MCTP1: variants seen among roughly 807,000 people sequenced by gnomAD.
MCTP1 encodes the protein multiple C2 and transmembrane domain-containing protein 1.
MCTP1 carries 69 observed loss-of-function variants against 120.6 expected under a neutral mutation model. That is an observed-to-expected ratio of 0.57 (90% CI 0.47 to 0.70). MCTP1 has a LOEUF of 0.70. Among genes scored for constraint, MCTP1 ranks in the 30% least tolerant of loss-of-function variants. The pLI, the probability that MCTP1 is intolerant of heterozygous loss-of-function variation, is 0.00. For synonymous variants in MCTP1, 529 were observed against 493.1 expected (o/e 1.07, Z -0.96); for missense variants, 1,203 against 1,248.8 (o/e 0.96, Z 0.55).
chr5:94,743,660 T>TG (rs2152762789), intron 19 of MCTP1, among the ~76,000 whole-genome samples: 1 of 123,808 alleles, frequency 8.1e-6, no homozygotes, highest in African/African-American at 3.2e-5. Flanking sequence ...TTTTTTGAGA[T>TG]GGAGTCTCCC....
chr5:95,107,946 C>T (rs957282749), intron 1 of MCTP1, among the ~76,000 whole-genome samples: 3 of 152,156 alleles, frequency 2.0e-5, no homozygotes, highest in Non-Finnish European at 4.4e-5. Flanking sequence ...CACCTATCAA[C>T]CCATCACCTA....
intron 3 of MCTP1, among the ~76,000 whole-genome samples, chr5:94,943,496 T>A (rs2153510913): frequency 6.6e-6 from 1 of 152,216 alleles, no homozygotes; most frequent in South Asian, 2.1e-4. Flanking sequence ...AAATGGGAAC[T>A]GGCTAACTTC....
chr5:94,926,925 C>A lies in MCTP1; in HGVS notation c.1213-2904G>T, dbSNP rs960034776. On this transcript the variant is annotated intron_variant, in intron 6 of 22. Transcript: ENST00000515393. ...GGAATCCATCCTCTCACTGAGATTACATTTTGTCCCTTCACTTTGTACCAA... is the reference window on the plus strand; with the variant it reads ...GGAATCCATCCTCTCACTGAGATTAAATTTTGTCCCTTCACTTTGTACCAA... Among the ~76,000 whole-genome samples the A allele has an allele frequency of 1.6e-4, 24 of 152,192 alleles. 1 individual carries two copies. Among genetic ancestry groups the A allele is most frequent in the Admixed American group, 1.6e-3 (24 of 15,278 alleles).
At chr5:94,750,094 G>A (rs1005397274) in intron 19 of MCTP1, among the ~76,000 whole-genome samples, 3 of 152,168 alleles carry the variant, frequency 2.0e-5, no homozygotes, top group African/African-American at 7.2e-5. Context: ...ACAGAAAATA[G>A]CATATTCCAG....
At chr5:94,797,393 T>C (rs548031173) in intron 18 of MCTP1, among the ~76,000 whole-genome samples, 14 of 152,304 alleles carry the variant, frequency 9.2e-5, no homozygotes, top group Non-Finnish European at 1.9e-4. Flanking sequence ...GAAAAGTAGA[T>C]ATTCTTCTCT....
intron 1 of MCTP1, 82 bp downstream of exon 1, chr5:95,283,774 C>T (rs1363869499): frequency 1.2e-5 from 14 of 1,161,204 alleles, no homozygotes; most frequent in Non-Finnish European, 5.5e-6. Context: ...GGCCCCCGCC[C>T]CCCGCTCCCC....
intron 2 of MCTP1, among the ~76,000 whole-genome samples, chr5:95,000,655 T>C (rs1833493873): frequency 6.6e-6 from 1 of 152,190 alleles, no homozygotes; most frequent in Non-Finnish European, 1.5e-5. Context: ...CTGTATAATA[T>C]GTTTGTGTTT....
chr5:95,174,715 G>A (rs1431482903), intron 1 of MCTP1, among the ~76,000 whole-genome samples: 1 of 152,190 alleles, frequency 6.6e-6, no homozygotes, highest in Non-Finnish European at 1.5e-5. Flanking sequence ...TATGGATTCT[G>A]TGAGTTATTT....
At chr5:94,895,447 C>G (rs1278404232) in intron 10 of MCTP1, among the ~76,000 whole-genome samples, 1 of 152,194 alleles carries the variant, frequency 6.6e-6, no homozygotes, top group Admixed American at 6.5e-5. Flanking sequence ...GTGGCAGTGC[C>G]TGCTCTGTAT....
intron 2 of MCTP1, among the ~76,000 whole-genome samples, chr5:94,994,891 A>G (rs1233297408): frequency 6.6e-6 from 1 of 152,148 alleles, no homozygotes; most frequent in African/African-American, 2.4e-5. Context: ...CTGACCTTGA[A>G]CATCAGACTC....
At chr5:95,014,102 A>G (rs1465527644) in intron 2 of MCTP1, among the ~76,000 whole-genome samples, 1 of 152,062 alleles carries the variant, frequency 6.6e-6, no homozygotes, top group Non-Finnish European at 1.5e-5. Context: ...CTCTACCAAA[A>G]AAAAGAAAAA....
intron 19 of MCTP1, among the ~76,000 whole-genome samples, chr5:94,732,829 C>T (rs950618967): frequency 8.5e-5 from 13 of 152,168 alleles, no homozygotes; most frequent in Non-Finnish European, 2.9e-5. Flanking sequence ...ACTTTCTAGC[C>T]TCCAGAACTG....
At chr5:95,023,269 C>T (rs1388142384) in intron 1 of MCTP1, among the ~76,000 whole-genome samples, 7 of 152,176 alleles carry the variant, frequency 4.6e-5, no homozygotes, top group Admixed American at 2.6e-4. Flanking sequence ...AAAACCCTGG[C>T]CTTTTCCCTC....
intron 1 of MCTP1, among the ~76,000 whole-genome samples, chr5:95,244,095 C>T (rs1211787439): frequency 6.6e-6 from 1 of 152,192 alleles, no homozygotes; most frequent in East Asian, 1.9e-4. Context: ...CGTACAGTCT[C>T]CTAAGGATAA....
chr5:95,230,736 G>A (rs991639092), intron 1 of MCTP1, among the ~76,000 whole-genome samples: 12 of 152,146 alleles, frequency 7.9e-5, no homozygotes, highest in East Asian at 1.9e-4. Flanking sequence ...GGTTTTAATC[G>A]GTATATCCAC....
intron 1 of MCTP1, among the ~76,000 whole-genome samples, chr5:95,116,864 T>C (rs1390925145): frequency 1.3e-5 from 2 of 152,162 alleles, no homozygotes; most frequent in African/African-American, 4.8e-5. Context: ...TACAAATGCC[T>C]GTGATTTCTG....
At chr5:95,055,470 T>C (rs949687402) in intron 1 of MCTP1, among the ~76,000 whole-genome samples, 1 of 152,206 alleles carries the variant, frequency 6.6e-6, no homozygotes, top group Non-Finnish European at 1.5e-5. Context: ...TTCTAAGCAT[T>C]TAAAAAATAT....
At chr5:94,988,597 G>GTTTTT (rs752489135) in intron 2 of MCTP1, among the ~76,000 whole-genome samples, 4 of 117,452 alleles carry the variant, frequency 3.4e-5, no homozygotes, top group Admixed American at 8.5e-5. Flanking sequence ...CCCTGTGTGT[G>GTTTTT]TTTTTTTTTT....
intron 18 of MCTP1, among the ~76,000 whole-genome samples, chr5:94,780,131 T>C (rs1776256121): frequency 6.6e-6 from 1 of 150,666 alleles, no homozygotes; most frequent in Non-Finnish European, 1.5e-5. Flanking sequence ...GGTTTTTAAA[T>C]TCCTGTGTCT....
Sources: gnomAD v4.1 joint callset for allele counts (sites outside exome capture counted in the v4.1 genomes callset) on GRCh38, gnomAD v4.1.1 for gene constraint, MANE v1.5 for transcripts, NCBI Gene and HGNC (gene_info 2026-07-23, HGNC 2026-07-21) for gene names.